ECT2L: variants seen among roughly 807,000 people sequenced by gnomAD.
ECT2L encodes epithelial cell-transforming sequence 2 oncogene-like.
In ECT2L, 126 loss-of-function variants were observed where a neutral mutation model predicts 122.8. The ratio of observed to expected loss-of-function variants is 1.03; its 90% CI spans 0.89 to 1.19. ECT2L has a LOEUF of 1.19. ECT2L is among the 50% of genes most tolerant of loss of function. The pLI is 0.00. For missense variants in ECT2L, 1,012 were observed against 1,064.1 expected (o/e 0.95, Z 0.68); for synonymous variants, 385 against 381.8 (o/e 1.01, Z -0.10).
intron 20 of ECT2L, among the ~76,000 whole-genome samples, chr6:138,892,248 C>T (rs981946615): frequency 2.0e-5 from 3 of 152,144 alleles, no homozygotes; most frequent in Admixed American, 6.6e-5. Context: ...GTATTAATGA[C>T]CCCACCAAAG....
chr6:138,902,413 AGAT>A (rs1363878881), intron 21 of ECT2L, 84 bp from the exon 22 acceptor site: 18 of 1,295,980 alleles, frequency 1.4e-5, no homozygotes, highest in Non-Finnish European at 1.7e-5. Context: ...AAATTCTTAA[AGAT>A]GATGATTTTT....
intron 1 of ECT2L, among the ~76,000 whole-genome samples, 167 bp downstream of exon 1, chr6:138,796,359 A>T (rs1775341547): frequency 6.6e-6 from 1 of 152,200 alleles, no homozygotes. Flanking sequence ...GCAGCTCTGG[A>T]ATTAACCAAG....
Sources: allele counts gnomAD v4.1 joint callset (sites outside exome capture counted in the v4.1 genomes callset), GRCh38; gene constraint gnomAD v4.1.1; transcripts MANE v1.5; gene names NCBI Gene and HGNC (gene_info 2026-07-23, HGNC 2026-07-21).